JAM3: variants seen among roughly 807,000 people sequenced by gnomAD.
JAM3 encodes the protein junctional adhesion molecule C.
A neutral mutation model predicts 39.4 loss-of-function variants in JAM3; 31 were observed. The ratio of observed to expected loss-of-function variants is 0.79; its 90% CI spans 0.59 to 1.06. The LOEUF is 1.06. Among genes scored for constraint, JAM3 ranks in the 50% least tolerant of loss-of-function variants. The pLI, the probability that JAM3 is intolerant of heterozygous loss-of-function variation, is 0.00. For missense variants in JAM3, 455 were observed against 391.4 expected (o/e 1.16, Z -1.37); for synonymous variants, 182 against 148.7 (o/e 1.22, Z -1.63).
Position 134,150,920 on chromosome 11 carries a change from A to G in JAM3, c.*1739A>G, listed in dbSNP as rs1438503374. On this transcript the variant is annotated 3_prime_UTR_variant, in exon 9 of 9. Coordinates refer to ENST00000299106, the MANE Select transcript of JAM3 (RefSeq NM_032801.5). Reference sequence around the variant, plus strand: ...AAAGTGAAACGCCTGAATCAAAAGCAGTTTTCTAATTTTGACTTTAAATTT... The same window carrying G: ...AAAGTGAAACGCCTGAATCAAAAGCGGTTTTCTAATTTTGACTTTAAATTT... 6.6e-6 allele frequency: 1 copy of G among 152,198 alleles called. No homozygotes were observed. Among genetic ancestry groups the G allele is most frequent in the East Asian group, 1.9e-4 (1 of 5,196 alleles). 9.4% of individuals were successfully genotyped at this position (152,198 alleles called of 1,614,324 possible). A position where few individuals can be genotyped will look rare whatever the true frequency, so the allele number is the denominator to read the frequency against.
chr11:134,131,656 T>C (rs1401087639), intron 1 of JAM3, among the ~76,000 whole-genome samples: 4 of 152,160 alleles, frequency 2.6e-5, no homozygotes, highest in African/African-American at 9.7e-5. Context: ...GTTTAAAATA[T>C]GCACAAACAC....
At chr11:134,081,710 G>C (rs1389129395) in intron 1 of JAM3, among the ~76,000 whole-genome samples, 1 of 152,198 alleles carries the variant, frequency 6.6e-6, no homozygotes, top group East Asian at 1.9e-4. Flanking sequence ...GGAAATGTGG[G>C]GTCAGATCCC....
At chr11:134,069,203 G>T (rs1446771609) in intron 1 of JAM3, 44 bp downstream of exon 1, 6 of 1,600,174 alleles carry the variant, frequency 3.7e-6, no homozygotes, top group Non-Finnish European at 5.1e-6. Context: ...GGGTCTGGGG[G>T]CGACGGAAGC....
intron 1 of JAM3, among the ~76,000 whole-genome samples, chr11:134,127,332 T>G (rs1942668776): frequency 6.6e-6 from 1 of 152,244 alleles, no homozygotes; most frequent in Non-Finnish European, 1.5e-5. Context: ...TCCCTACTTC[T>G]GGAACTATGA....
rs147578419 is a variant in JAM3 at position 134,124,747 on chromosome 11, C to T, written c.77-15104C>T. ...AAAAAAAGCCAGCTATTTCTGAGGC[C>T]GGTCGGTGTGTCCAGGAGTGTTCAA... On this transcript the variant is annotated intron_variant, in intron 1 of 8. Coordinates refer to ENST00000299106, the MANE Select transcript of JAM3 (RefSeq NM_032801.5). 8.7e-3 allele frequency among the ~76,000 whole-genome samples: 1,325 copies of T among 152,242 alleles called. 14 individuals carry two copies. Among genetic ancestry groups the T allele is most frequent in the Admixed American group, 0.028 (433 of 15,306 alleles).
chr11:134,103,027 C>T (rs1169823414), intron 1 of JAM3, among the ~76,000 whole-genome samples: 1 of 152,158 alleles, frequency 6.6e-6, no homozygotes, highest in Non-Finnish European at 1.5e-5. Context: ...CAAAGATACT[C>T]CTCGAGAAGA....
rs555963470 is a variant in JAM3 at position 134,088,830 on chromosome 11, C to T, written c.76+19671C>T. On this transcript the variant is annotated intron_variant, in intron 1 of 8. Transcript: ENST00000299106. ...TTTGAGATGGAGTCTCACTCTGTCA[C>T]CCCTGCTGGAGTGCAGTGGAGCAAT... Among the ~76,000 whole-genome samples, 9 of 152,304 alleles carry T rather than the reference C, an allele frequency of 5.9e-5. No individual in the cohort carries two copies. The South Asian group carries it at 1.7e-3, about 28-fold the overall frequency.
chr11:134,073,121 T>C (rs1390465265), intron 1 of JAM3, among the ~76,000 whole-genome samples: 20 of 152,220 alleles, frequency 1.3e-4, no homozygotes, highest in Admixed American at 9.2e-4. Flanking sequence ...TGTGGTACTC[T>C]ATATGGAGAG....
intron 1 of JAM3, among the ~76,000 whole-genome samples, chr11:134,118,847 G>T (rs1236671718): frequency 6.6e-6 from 1 of 152,108 alleles, no homozygotes; most frequent in Non-Finnish European, 1.5e-5. Flanking sequence ...ATGAGAGCGG[G>T]GTTGGTTAAC....
At chr11:134,131,260 GTGTT>G (rs1211873992) in intron 1 of JAM3, among the ~76,000 whole-genome samples, 4 of 151,920 alleles carry the variant, frequency 2.6e-5, no homozygotes, top group Middle Eastern at 3.4e-3. Context: ...GGTTGTTGTA[GTGTT>G]TGTTTATTTC....
chr11:134,093,573 A>T (rs568009816), intron 1 of JAM3, among the ~76,000 whole-genome samples: 1 of 123,658 alleles, frequency 8.1e-6, no homozygotes, highest in African/African-American at 3.4e-5. Context: ...TTCCTGAGGG[A>T]AGCGTGTCCT....
chr11:134,103,265 C>T (rs1279464654), intron 1 of JAM3, among the ~76,000 whole-genome samples: 1 of 152,070 alleles, frequency 6.6e-6, no homozygotes, highest in Non-Finnish European at 1.5e-5. Context: ...CCAAACTAAG[C>T]TTCATAAGTG....
At chr11:134,128,130 C>T (rs1315164843) in intron 1 of JAM3, among the ~76,000 whole-genome samples, 1 of 152,062 alleles carries the variant, frequency 6.6e-6, no homozygotes, top group Non-Finnish European at 1.5e-5. Flanking sequence ...TTAGCCTTGG[C>T]CTGAAACTGA....
chr11:134,076,329 A>G (rs1170030676), intron 1 of JAM3, among the ~76,000 whole-genome samples: 2 of 151,088 alleles, frequency 1.3e-5, no homozygotes, highest in African/African-American at 2.4e-5. Flanking sequence ...TAATTTTTGT[A>G]TTTTTAGTAG....
intron 1 of JAM3, among the ~76,000 whole-genome samples, chr11:134,082,459 G>A (rs1941682538): frequency 6.6e-6 from 1 of 152,128 alleles, no homozygotes; most frequent in African/African-American, 2.4e-5. Context: ...TAATTTCCTT[G>A]TAATGTGGGG....
intron 4 of JAM3, among the ~76,000 whole-genome samples, 182 bp from the exon 5 acceptor site, chr11:134,144,610 T>C: frequency 6.6e-6 from 1 of 152,132 alleles, no homozygotes; most frequent in Non-Finnish European, 1.5e-5. Flanking sequence ...GGAGGCGCTT[T>C]AACATATGGG....
chr11:134,100,023 C>T (rs1482810577), intron 1 of JAM3, among the ~76,000 whole-genome samples: 2 of 152,196 alleles, frequency 1.3e-5, no homozygotes, highest in Non-Finnish European at 2.9e-5. Context: ...TCACTTCTGA[C>T]TTTAATGTTA....
chr11:134,083,302 A>G (rs1170170264), intron 1 of JAM3, among the ~76,000 whole-genome samples: 1 of 151,234 alleles, frequency 6.6e-6, no homozygotes. Context: ...CCCTTTCCCT[A>G]TTTCTCCCTC....
intron 1 of JAM3, among the ~76,000 whole-genome samples, chr11:134,076,131 C>CCTTTT (rs373065158): frequency 4.7e-5 from 7 of 147,970 alleles, no homozygotes; most frequent in South Asian, 2.2e-4. Flanking sequence ...TTTTTTTACT[C>CCTTTT]CTTTTCTTTT....
Sources: allele counts gnomAD v4.1 joint callset (sites outside exome capture counted in the v4.1 genomes callset), GRCh38; gene constraint gnomAD v4.1.1; transcripts MANE v1.5; gene names NCBI Gene and HGNC (gene_info 2026-07-23, HGNC 2026-07-21).